The following GRIK2 variants were observed in gnomAD, a reference collection of about 807,000 sequenced individuals.
GRIK2 encodes the protein glutamate ionotropic receptor kainate type subunit 2.
In GRIK2, 32 loss-of-function variants were observed where a neutral mutation model predicts 100.3. The observed-to-expected ratio is 0.32, with a 90% CI of 0.24 to 0.43. The LOEUF is 0.43. GRIK2 is among the 20% of genes least tolerant of loss of function. GRIK2 has a pLI of 1.00. For missense variants in GRIK2, 843 were observed against 1,114.9 expected, an observed-to-expected ratio of 0.76 and a Z score of 3.47; for synonymous variants, 417 against 389.4, an observed-to-expected ratio of 1.07 and a Z score of -0.83.
intron 9 of GRIK2, among the ~76,000 whole-genome samples, chr6:101,816,002 T>G (rs2128420678): frequency 6.6e-6 from 1 of 152,244 alleles, no homozygotes; most frequent in South Asian, 2.1e-4. Context: ...ATAATGAAAC[T>G]AGAGAAGTAT....
intron 4 of GRIK2, among the ~76,000 whole-genome samples, chr6:101,660,997 G>A (rs533997615): frequency 1.3e-5 from 2 of 152,132 alleles, no homozygotes; most frequent in East Asian, 1.9e-4. Flanking sequence ...AGCAGAGCTC[G>A]AATGCTATGC....
At chr6:101,450,767 T>C (rs1226512252) in intron 2 of GRIK2, among the ~76,000 whole-genome samples, 2 of 151,272 alleles carry the variant, frequency 1.3e-5, no homozygotes, top group African/African-American at 2.4e-5. Flanking sequence ...AGGAATAAAA[T>C]AGAGAAGTAA....
At chr6:101,875,675 C>T (rs368950451) in intron 11 of GRIK2, among the ~76,000 whole-genome samples, 2 of 151,422 alleles carry the variant, frequency 1.3e-5, no homozygotes, top group Admixed American at 1.3e-4. Context: ...TGTTTTTTCC[C>T]CTCCATTAAT....
chr6:101,396,355 G>T (rs188449325), intron 1 of GRIK2, among the ~76,000 whole-genome samples: 1 of 151,274 alleles, frequency 6.6e-6, no homozygotes, highest in Admixed American at 6.6e-5. Flanking sequence ...ATAACTAATT[G>T]TACATTTAAA....
At chr6:101,570,490 C>T (rs1777479181) in intron 2 of GRIK2, among the ~76,000 whole-genome samples, 1 of 152,122 alleles carries the variant, frequency 6.6e-6, no homozygotes, top group Admixed American at 6.6e-5. Context: ...CCTTCTCCCC[C>T]TGCCAGCTCC....
chr6:102,065,185 C>T (rs967712165), intron 16 of GRIK2, among the ~76,000 whole-genome samples: 4 of 150,806 alleles, frequency 2.7e-5, no homozygotes, highest in East Asian at 3.9e-4. Context: ...AAGTCTATGA[C>T]GACAATGGTG....
intron 2 of GRIK2, among the ~76,000 whole-genome samples, chr6:101,549,094 TATTAAA>T (rs1776387278): frequency 6.6e-6 from 1 of 152,132 alleles, no homozygotes; most frequent in Non-Finnish European, 1.5e-5. Context: ...ATTTAGGGGA[TATTAAA>T]AGTGTCCAAT....
chr6:101,788,440 A>G (rs1158307371), intron 7 of GRIK2, among the ~76,000 whole-genome samples: 7 of 150,042 alleles, frequency 4.7e-5, no homozygotes, highest in Non-Finnish European at 5.9e-5. Context: ...ATTCCCATCT[A>G]TGAGTGAGAA....
At chr6:101,578,861 T>C (rs1200126802) in intron 2 of GRIK2, among the ~76,000 whole-genome samples, 3 of 152,190 alleles carry the variant, frequency 2.0e-5, no homozygotes, top group Non-Finnish European at 2.9e-5. Flanking sequence ...ATAAATTCCA[T>C]CCATTGAGAT....
chr6:101,662,918 C>T (rs1050101055), intron 4 of GRIK2, among the ~76,000 whole-genome samples: 3 of 152,036 alleles, frequency 2.0e-5, no homozygotes, highest in African/African-American at 7.2e-5. Context: ...ATTCCTGATA[C>T]ATTTACATCT....
At chr6:101,447,071 C>T (rs749853341) in intron 2 of GRIK2, among the ~76,000 whole-genome samples, 1 of 148,084 alleles carries the variant, frequency 6.8e-6, no homozygotes, top group East Asian at 2.0e-4. Flanking sequence ...ATATATATTA[C>T]AGTAGCCCTT....
chr6:101,546,014 T>A (rs1776212866), intron 2 of GRIK2, among the ~76,000 whole-genome samples: 1 of 152,056 alleles, frequency 6.6e-6, no homozygotes, highest in Non-Finnish European at 1.5e-5. Flanking sequence ...CCCATTCATC[T>A]CTTCCATGCA....
At chr6:101,704,178 A>T (rs2128354453) in intron 7 of GRIK2, among the ~76,000 whole-genome samples, 1 of 151,938 alleles carries the variant, frequency 6.6e-6, no homozygotes, top group Middle Eastern at 3.4e-3. Flanking sequence ...GTCAGCAAAT[A>T]GTTAAATTTA....
chr6:101,433,920 G>A (rs143052246), intron 2 of GRIK2, among the ~76,000 whole-genome samples: 192 of 152,246 alleles, frequency 1.3e-3, no homozygotes, highest in Admixed American at 5.0e-3. Context: ...TACAGGCCAG[G>A]AATAGATCTT....
intron 11 of GRIK2, among the ~76,000 whole-genome samples, chr6:101,884,529 C>A (rs1786483114): frequency 6.6e-6 from 1 of 152,032 alleles, no homozygotes; most frequent in Admixed American, 6.6e-5. Context: ...TGAAGATATG[C>A]TTTGTTATCT....
chr6:101,730,375 A>C (rs1375582469), intron 7 of GRIK2, among the ~76,000 whole-genome samples: 1 of 151,980 alleles, frequency 6.6e-6, no homozygotes, highest in Non-Finnish European at 1.5e-5. Context: ...CCTGTAAGAC[A>C]GCCAGGGGAT....
chr6:101,653,000 A>G (rs1441585455), intron 4 of GRIK2, among the ~76,000 whole-genome samples: 1 of 152,164 alleles, frequency 6.6e-6, no homozygotes, highest in Non-Finnish European at 1.5e-5. Flanking sequence ...GACTTGTGAT[A>G]TAAACCTTCT....
chr6:101,594,838 T>A (rs1338091500), intron 2 of GRIK2, among the ~76,000 whole-genome samples: 1 of 151,746 alleles, frequency 6.6e-6, no homozygotes, highest in Non-Finnish European at 1.5e-5. Flanking sequence ...GGGCGGTGAA[T>A]TACAGGGAAT....
At chr6:101,771,442 C>T (rs1237345366) in intron 7 of GRIK2, among the ~76,000 whole-genome samples, 1 of 151,716 alleles carries the variant, frequency 6.6e-6, no homozygotes, top group African/African-American at 2.4e-5. Flanking sequence ...GTTATGGAAG[C>T]CCAGTTCTGG....
Sources: gnomAD v4.1 joint callset for allele counts (sites outside exome capture counted in the v4.1 genomes callset) on GRCh38, gnomAD v4.1.1 for gene constraint, MANE v1.5 for transcripts, NCBI Gene and HGNC (gene_info 2026-07-23, HGNC 2026-07-21) for gene names.